The following FGR variants were observed in gnomAD, a reference collection of about 807,000 sequenced individuals.
FGR encodes FGR proto-oncogene, Src family tyrosine kinase.
FGR carries 26 observed loss-of-function variants against 63.2 expected under a neutral mutation model. That is an observed-to-expected ratio of 0.41 (90% CI 0.30 to 0.57). The LOEUF is 0.57. Ranked by LOEUF, FGR falls within the 20% of genes least tolerant of loss-of-function variation. FGR has a pLI of 0.27. For missense variants in FGR, 511 were observed against 690.8 expected (o/e 0.74, Z 2.92); for synonymous variants, 286 against 277.7 (o/e 1.03, Z -0.30).
At position 27,613,221 on chromosome 1, in the gene FGR, G is replaced by C. The variant is rs765075016; in HGVS notation, c.1379C>G (p.Pro460Arg). 1.2e-6 allele frequency: 2 copies of C among 1,613,396 alleles called. No homozygotes were observed. Among genetic ancestry groups the C allele is most frequent in the African/African-American group, 2.7e-5 (2 of 74,928 alleles). Reference protein sequence around the residue: ...ELITKGRIPYPGMNKREVLEQ... With the variant: ...ELITKGRIPYRGMNKREVLEQ... ...GCCCTACCCCTGGCGAGGCAAACCT[G>C]GGTAGGGGATTCGGCCCTTGGTGAT... is the stretch of plus-strand genomic sequence containing the variant. The change falls in exon 12 of 13, where the codon CCA becomes CGA. Residue 460 changes from proline to arginine, a missense_variant and splice_region_variant. By Grantham distance (103) the Pro-to-Arg change is moderately radical. Transcript: ENST00000374005.
chr1:27,624,275 G>T (rs181425619), intron 2 of FGR, among the ~76,000 whole-genome samples: 2 of 152,214 alleles, frequency 1.3e-5, no homozygotes, highest in Middle Eastern at 6.8e-3. Context: ...TCACTCTGTT[G>T]CCCAGGCTGG....
chr1:27,624,548 T>C (rs1347419389), intron 2 of FGR, among the ~76,000 whole-genome samples: 1 of 152,228 alleles, frequency 6.6e-6, no homozygotes, highest in African/African-American at 2.4e-5. Flanking sequence ...TGAGTTTGCC[T>C]GTGTGGGTAT....
At chr1:27,630,240 A>T (rs2090086263) in intron 1 of FGR, among the ~76,000 whole-genome samples, 1 of 152,048 alleles carries the variant, frequency 6.6e-6, no homozygotes, top group Non-Finnish European at 1.5e-5. Flanking sequence ...TTTTGAGTAG[A>T]GACGGGGTTT....
At chr1:27,618,873 G>A (rs1382656892) in intron 5 of FGR, among the ~76,000 whole-genome samples, 1 of 152,120 alleles carries the variant, frequency 6.6e-6, no homozygotes, top group Admixed American at 6.5e-5. Context: ...TCACACTTGG[G>A]TCTCCACTTC....
chr1:27,624,244 G>A (rs951126445), intron 2 of FGR, among the ~76,000 whole-genome samples: 1 of 151,932 alleles, frequency 6.6e-6, no homozygotes, highest in Non-Finnish European at 1.5e-5. Flanking sequence ...TGCTTTTTTT[G>A]TTTTGTTTTG....
intron 1 of FGR, among the ~76,000 whole-genome samples, chr1:27,632,339 T>C (rs146060989): frequency 0.012 from 1,809 of 152,140 alleles, 21 homozygotes; most frequent in Middle Eastern, 0.037. Flanking sequence ...GGTTTAGTCA[T>C]GTTGGCCAGG....
intron 5 of FGR, among the ~76,000 whole-genome samples, chr1:27,618,065 C>T (rs1415768599): frequency 6.6e-6 from 1 of 152,112 alleles, no homozygotes. Context: ...AAAGGAGCCT[C>T]GTGTTTTCAA....
rs2089961967 is a variant in FGR at position 27,623,202 on chromosome 1, T to A, written c.227-58A>T. On this transcript the variant is annotated intron_variant, in intron 3 of 12. Coordinates refer to ENST00000374005, the MANE Select transcript of FGR (RefSeq NM_005248.3). ...CATGGGGCAGAAGCACCAAGGGGGC[T>A]GCACCCCAAATTCCTGTTCCCCAGC... 3 of 1,310,530 alleles carry A rather than the reference T, an allele frequency of 2.3e-6. No individual in the cohort carries two copies. In the South Asian group the frequency reaches 3.6e-5, roughly 16 times the overall value. 81.2% of individuals were successfully genotyped at this position (1,310,530 alleles called of 1,614,324 possible). A position where few individuals can be genotyped will look rare whatever the true frequency, so the allele number is the denominator to read the frequency against.
intron 1 of FGR, among the ~76,000 whole-genome samples, chr1:27,631,695 T>C (rs1557741503): frequency 2.0e-5 from 3 of 152,116 alleles, no homozygotes; most frequent in African/African-American, 7.2e-5. Flanking sequence ...TTGAGGAAGG[T>C]CCTCCGTGGC....
At chr1:27,618,925 G>T (rs921426786) in intron 5 of FGR, among the ~76,000 whole-genome samples, 2 of 151,916 alleles carry the variant, frequency 1.3e-5, no homozygotes, top group African/African-American at 4.8e-5. Flanking sequence ...TCTGGCCTCC[G>T]CCTCCCACCC....
At chr1:27,619,103 G>T (rs1056076135) in intron 5 of FGR, among the ~76,000 whole-genome samples, 3 of 152,206 alleles carry the variant, frequency 2.0e-5, no homozygotes, top group African/African-American at 7.2e-5. Flanking sequence ...TTCGAGGGCA[G>T]CTTTCCCCAA....
At chr1:27,622,288 CAA>C (rs1210861502) in intron 4 of FGR, among the ~76,000 whole-genome samples, 3 of 42,238 alleles carry the variant, frequency 7.1e-5, no homozygotes, top group South Asian at 8.3e-4. Context: ...GACTCCAACT[CAA>C]AAAAAAAAAA....
intron 11 of FGR, among the ~76,000 whole-genome samples, chr1:27,613,837 T>G (rs2089746665): frequency 6.6e-6 from 1 of 152,042 alleles, no homozygotes; most frequent in Non-Finnish European, 1.5e-5. Flanking sequence ...GTGTCTAGTA[T>G]AGTGATGGGC....
At chr1:27,634,229 G>A (rs548937311) in intron 1 of FGR, among the ~76,000 whole-genome samples, 7 of 152,166 alleles carry the variant, frequency 4.6e-5, no homozygotes, top group African/African-American at 1.7e-4. Flanking sequence ...GGGCACTCGC[G>A]GTCAAAGGCA....
intron 11 of FGR, among the ~76,000 whole-genome samples, chr1:27,613,694 CAAAAAAAAAAAA>C (rs56363244): frequency 5.4e-5 from 4 of 74,258 alleles, no homozygotes; most frequent in African/African-American, 5.8e-5. Flanking sequence ...GACTCCATCT[CAAAAAAAAAAAA>C]AAAAAAAAAA....
At chr1:27,625,909 A>C in intron 1 of FGR, 1 of 378,680 alleles carries the variant, frequency 2.6e-6, no homozygotes, top group Non-Finnish European at 4.7e-6. Context: ...ACTGCACTCC[A>C]GCCCGGGTGA....
In FGR at chr1:27,617,212, C is replaced by G; in HGVS notation, c.513G>C (p.Arg171=). ...PGNPQGAFLI[R]ESETTKGAYS... ...CCCTACCTTTGGTGGTCTCGCTTTC[C>G]CGAATGAGAAAGGCCCCCTGGGGGT... The change falls in exon 6 of 13, where the codon CGG becomes CGC. Residue 171 remains arginine (R), a synonymous_variant. Coordinates refer to ENST00000374005, the MANE Select transcript of FGR (RefSeq NM_005248.3). The surrounding 1 kb of genome is among the most constrained non-coding windows in gnomAD (Gnocchi z 4.5). 2 of 1,614,088 alleles carry G rather than the reference C, an allele frequency of 1.2e-6. No individual in the cohort carries two copies. The highest frequency in any genetic ancestry group is 8.5e-7 in the Non-Finnish European group (1 of 1,179,950).
chr1:27,614,404 T>C (rs774841609), intron 11 of FGR, 26 bp downstream of exon 11: 19 of 1,603,614 alleles, frequency 1.2e-5, no homozygotes, highest in Non-Finnish European at 1.4e-5. Flanking sequence ...TGGGGAGCTC[T>C]TGGAAGGTGG....
At chr1:27,630,138 C>T (rs376640621) in intron 1 of FGR, among the ~76,000 whole-genome samples, 27 of 152,206 alleles carry the variant, frequency 1.8e-4, no homozygotes, top group African/African-American at 6.0e-4. Context: ...CTGCAACCTC[C>T]GCCTCCTGGG....
Sources: gnomAD v4.1 joint callset for allele counts (sites outside exome capture counted in the v4.1 genomes callset) on GRCh38, gnomAD v4.1.1 for gene constraint, Gnocchi (gnomAD v3.1) non-coding constraint, MANE v1.5 for transcripts, NCBI Gene and HGNC (gene_info 2026-07-23, HGNC 2026-07-21) for gene names.